Variants in REV1 observed in about 807,000 individuals in gnomAD.
The protein encoded by REV1 is translesion synthesis protein REV1.
Under a neutral mutation model 137.4 loss-of-function variants are expected in REV1, and 42 were observed. That is an observed-to-expected ratio of 0.31 (90% confidence interval 0.24 to 0.40). The LOEUF (loss-of-function observed/expected upper bound fraction) is 0.40. Ranked by LOEUF, REV1 falls within the 10% of genes least tolerant of loss-of-function variation. REV1 has a pLI of 1.00. For missense variants in REV1, 1,282 were observed against 1,490.1 expected, an observed-to-expected ratio of 0.86 and a Z score of 2.30; for synonymous variants, 524 against 519.2, an observed-to-expected ratio of 1.01 and a Z score of -0.12.
chr2:99,430,873 T>C (rs28382901), intron 8 of REV1, among the ~76,000 whole-genome samples: 1,670 of 152,228 alleles, frequency 0.011, 9 homozygotes, highest in Middle Eastern at 0.024. Context: ...AAAAATCACA[T>C]TCTAAAACCA....
rs1047493306 is a variant in REV1, at chr2:99,468,976, T to C, written c.-10-3991A>G. 3.9e-5 allele frequency among the ~76,000 whole-genome samples: 6 copies of C among 152,318 alleles called. No homozygotes were observed. In the East Asian group the frequency reaches 5.8e-4, roughly 15 times the overall value. On this transcript the variant is annotated intron_variant, in intron 1 of 22. Transcript: ENST00000258428. The stretch of plus-strand genomic sequence containing the variant: ...AACATAATGATAACAGTAGACTAGA[T>C]ACGGACTCAAATCCCAATTCTACGA...
At chr2:99,422,324 C>A (rs1678793755) in intron 10 of REV1, among the ~76,000 whole-genome samples, 1 of 152,108 alleles carries the variant, frequency 6.6e-6, no homozygotes, top group Admixed American at 6.5e-5. Flanking sequence ...TGCTATGTGG[C>A]CCCCATGCTA....
chr2:99,469,273 G>A lies in REV1; in HGVS notation c.-10-4288C>T, dbSNP rs1183562157. Among the ~76,000 whole-genome samples, 7 of 152,136 alleles carry A rather than the reference G, an allele frequency of 4.6e-5. 1 individual carries two copies. The East Asian group carries it at 7.7e-4, about 17-fold the overall frequency. On this transcript the variant is annotated intron_variant, in intron 1 of 22. Coordinates refer to ENST00000258428, the MANE Select transcript of REV1 (RefSeq NM_016316.4). ...AAGATTGTTCTTGAAGAAAAAGCAC[G>A]ACAACTTGAAAAAGACTGATAACTA...
chr2:99,416,329 G>C (rs2104528691), intron 12 of REV1, among the ~76,000 whole-genome samples: 1 of 152,344 alleles, frequency 6.6e-6, no homozygotes, highest in Admixed American at 6.5e-5. Context: ...CTCCACCACA[G>C]AAGGTTCCCT....
At chr2:99,473,622 A>AT (rs1217029296) in intron 1 of REV1, among the ~76,000 whole-genome samples, 1 of 152,168 alleles carries the variant, frequency 6.6e-6, no homozygotes, top group Non-Finnish European at 1.5e-5. Context: ...AATAAAACCC[A>AT]TTTTTGCCAC....
chr2:99,456,455 G>C (rs1214336592), intron 3 of REV1, among the ~76,000 whole-genome samples: 1 of 152,184 alleles, frequency 6.6e-6, no homozygotes, highest in Non-Finnish European at 1.5e-5. Context: ...ACCTGTTTTA[G>C]ATAGGTGAAG....
rs1684330050 is a variant in REV1 at position 99,462,453 on chromosome 2, T to A, written c.181+43A>T. 3 of 1,553,886 alleles carry A rather than the reference T, an allele frequency of 1.9e-6. No homozygotes were observed. In the African/African-American group the frequency reaches 4.1e-5, roughly 21 times the overall value. ...TAAAACAAATCATTCTCAATCCTAA[T>A]AAAAATACATGCCAAAATAGGGTTA... On this transcript the variant is annotated intron_variant, in intron 3 of 22. Coordinates refer to ENST00000258428, the MANE Select transcript of REV1 (RefSeq NM_016316.4).
intron 12 of REV1, among the ~76,000 whole-genome samples, chr2:99,416,930 A>AG (rs1411275511): frequency 6.6e-6 from 1 of 151,200 alleles, no homozygotes; most frequent in East Asian, 1.9e-4. Flanking sequence ...AAAAAAAAAA[A>AG]AAAGAAATAA....
At position 99,412,756 on chromosome 2, in the gene REV1, A is replaced by G. The variant is rs759142592; in HGVS notation, c.2147T>C (p.Ile716Thr). 1 of 1,613,934 alleles carries G rather than the reference A, an allele frequency of 6.2e-7. No individual in the cohort carries two copies. Among genetic ancestry groups the G allele is most frequent in the East Asian group, 2.2e-5 (1 of 44,860 alleles). The change falls in exon 13 of 23, where the codon ATC (isoleucine) becomes ACC (threonine). Residue 716 changes from isoleucine (I) to threonine (T), a missense_variant. Physicochemically the swap from Ile to Thr is moderately conservative, Grantham distance 89. Transcript: ENST00000258428. ...CTGAGTAAACCTTATTCCATAGTTG[A>G]TCTCAGCTGAAACAGATTTTCTTTC... ...EKERKSVSAE[I>T]NYGIRFTQPK...
chr2:99,471,915 G>C (rs570821559), intron 1 of REV1, among the ~76,000 whole-genome samples: 1 of 139,298 alleles, frequency 7.2e-6, no homozygotes, highest in Non-Finnish European at 1.5e-5. Flanking sequence ...AAAAAAACAA[G>C]TGTTGATAAG....
intron 1 of REV1, among the ~76,000 whole-genome samples, chr2:99,489,334 C>A (rs182416916): frequency 1.1e-4 from 17 of 152,236 alleles, no homozygotes; most frequent in Admixed American, 1.0e-3. Flanking sequence ...GCGGCTCGAC[C>A]GGGTCGACAT....
In REV1 at chr2:99,412,792, C is replaced by T. The variant is rs28382942; in HGVS notation, c.2111G>A (p.Arg704Gln). Residue 704 changes from arginine (R) to glutamine (Q), a missense_variant, in exon 13 of 23, where the codon CGA becomes CAA. Physicochemically the swap from Arg to Gln is conservative, Grantham distance 43. Around this residue, in one of 7 missense-constraint regions of REV1, gnomAD observed 372 missense variants for 482.3 expected, o/e 0.77. Transcript: ENST00000258428. ...AACAGATTTTCTTTCCTTTTCAGTT[C>T]GAACTGGTCTATCATCCAAGCCACG... ...FCRGLDDRPV[R>Q]TEKERKSVSA... is the part of the protein sequence containing the mutation. The T allele has an allele frequency of 9.2e-4, 1,487 of 1,614,134 alleles. 19 individuals carry two copies. In the East Asian group the frequency reaches 0.029, roughly 32 times the overall value.
chr2:99,480,539 A>G (rs1000107181), intron 1 of REV1, among the ~76,000 whole-genome samples: 6 of 152,228 alleles, frequency 3.9e-5, no homozygotes, highest in African/African-American at 1.4e-4. Flanking sequence ...AGCCTACACC[A>G]TAACGTATAA....
At chr2:99,462,660 A>C in intron 2 of REV1, 38 bp from the exon 3 acceptor site, 1 of 1,574,684 alleles carries the variant, frequency 6.4e-7, no homozygotes, top group South Asian at 1.2e-5. Context: ...CACAAAGGTT[A>C]CATTTTCTCC....
chr2:99,462,600 A>G lies in REV1; in HGVS notation c.77T>C (p.Val26Ala). The G allele has an allele frequency of 6.2e-7, 1 of 1,613,032 alleles. No individual in the cohort carries two copies. Among genetic ancestry groups the G allele is most frequent in the South Asian group, 1.1e-5 (1 of 90,756 alleles). The change falls in exon 3 of 23, where the codon GTC becomes GCC. Residue 26 changes from valine to alanine, a missense_variant. Physicochemically the swap from Val to Ala is moderately conservative, Grantham distance 64. Coordinates refer to ENST00000258428, the MANE Select transcript of REV1 (RefSeq NM_016316.4). ...TCGAAACTGTTCCTCCAATTTCTGG[A>G]CCTTGGCAGCCATATACCCACCCTA... The part of the protein sequence containing the change: ...ETWGGYMAAK[V>A]QKLEEQFRSD...
rs1675352551 is a variant in REV1, at chr2:99,401,233, G to A, written c.*8C>T. ...GCTATCAGAGAGCATCAGGCTCTCT[G>A]GTAATATTTATGTAACTTTTAATGT... On this transcript the variant is annotated 3_prime_UTR_variant, in exon 23 of 23. Coordinates refer to ENST00000258428, the MANE Select transcript of REV1 (RefSeq NM_016316.4). 6.5e-7 allele frequency: 1 copy of A among 1,549,772 alleles called. No individual in the cohort carries two copies. Among genetic ancestry groups the A allele is most frequent in the African/African-American group, 1.4e-5 (1 of 73,586 alleles).
intron 3 of REV1, among the ~76,000 whole-genome samples, chr2:99,456,189 A>T (rs145483561): frequency 6.6e-6 from 1 of 152,326 alleles, no homozygotes; most frequent in African/African-American, 2.4e-5. Flanking sequence ...ATATTTTAAC[A>T]TTCTGATGTA....
chr2:99,431,460 TCA>T (rs1164429800), intron 8 of REV1, among the ~76,000 whole-genome samples: 1 of 152,174 alleles, frequency 6.6e-6, no homozygotes, highest in Non-Finnish European at 1.5e-5. Flanking sequence ...ACTGTCAGTA[TCA>T]CACTTCAACA....
intron 16 of REV1, 45 bp downstream of exon 16, chr2:99,406,280 G>A (rs1202300008): frequency 6.4e-7 from 1 of 1,553,792 alleles, no homozygotes; most frequent in East Asian, 2.3e-5. Context: ...TCTTTCCAAG[G>A]ACATAAGCAG....
Sources: gnomAD v4.1 joint callset for allele counts (sites outside exome capture counted in the v4.1 genomes callset) on GRCh38, gnomAD v4.1.1 for gene constraint, gnomAD v4.1.1 regional missense constraint, MANE v1.5 for transcripts, NCBI Gene and HGNC (gene_info 2026-07-23, HGNC 2026-07-21) for gene names.